Variants in C20orf96 observed in about 807,000 individuals in gnomAD.
C20orf96 encodes uncharacterized protein C20orf96.
In C20orf96, 57 loss-of-function variants were observed where a neutral mutation model predicts 52.6. The observed-to-expected ratio is 1.08, with a 90% CI of 0.88 to 1.35. C20orf96 has a LOEUF of 1.35. Ranked by LOEUF, C20orf96 falls within the 40% of genes most tolerant of loss-of-function variation. The pLI is 0.00. For synonymous variants in C20orf96, 168 were observed against 157.2 expected (o/e 1.07, Z -0.51); for missense variants, 478 against 443.6 (o/e 1.08, Z -0.70).
At chr20:276,910 G>T in intron 8 of C20orf96, 31 bp from the exon 9 acceptor site, 1 of 1,613,444 alleles carries the variant, frequency 6.2e-7, no homozygotes, top group Non-Finnish European at 8.5e-7. Flanking sequence ...TGGCCCCCAG[G>T]TGCCTCTTCC....
At chr20:274,496 T>G (rs78896118) in intron 10 of C20orf96, among the ~76,000 whole-genome samples, 1,586 of 152,282 alleles carry the variant, frequency 0.01, 27 homozygotes, top group African/African-American at 0.036. Flanking sequence ...GGTTCACTAT[T>G]CAGAGGCCAA....
At chr20:279,892 C>T (rs910637860) in intron 4 of C20orf96, among the ~76,000 whole-genome samples, 1 of 152,052 alleles carries the variant, frequency 6.6e-6, no homozygotes, top group African/African-American at 2.4e-5. Context: ...ATCGCTTGAA[C>T]CTGGGAGGCG....
chr20:275,626 C>G (rs1431874079), intron 10 of C20orf96, among the ~76,000 whole-genome samples: 2 of 152,170 alleles, frequency 1.3e-5, no homozygotes, highest in East Asian at 3.9e-4. Context: ...CTATTCTTCC[C>G]TGAAGCCAAC....
Position 271,165 on chromosome 20 carries a change from G to C in C20orf96, c.*42C>G, listed in dbSNP as rs1175931556. ...TAAATGATCCAAGGCTCCAGGTGCT[G>C]GGAAGAGAGCAGGAGGGGAGGGCGG... is the stretch of plus-strand genomic sequence containing the variant. On this transcript the variant is annotated 3_prime_UTR_variant, in exon 11 of 11. Coordinates refer to ENST00000360321, the MANE Select transcript of C20orf96 (RefSeq NM_153269.3). 3 of 1,499,428 alleles carry C rather than the reference G, an allele frequency of 2.0e-6. No individual in the cohort carries two copies. Among genetic ancestry groups the C allele is most frequent in the Non-Finnish European group, 2.7e-6 (3 of 1,099,678 alleles). The allele number at this position is 1,499,428 out of a possible 1,614,324, so 92.9% of individuals were successfully genotyped here.
At chr20:272,649 C>G (rs536539108) in intron 10 of C20orf96, among the ~76,000 whole-genome samples, 95 of 152,260 alleles carry the variant, frequency 6.2e-4, no homozygotes, top group African/African-American at 2.0e-3. Flanking sequence ...AGCCACCATG[C>G]CTGCCTCCAA....
chr20:276,821 A>G lies in C20orf96; in HGVS notation c.884T>C (p.Phe295Ser). ...TCTGAACCTTTGCATGCATTTCAGG[A>G]AGTCCTGGCTTTCCCACATCTTCTG... ...LLQKMWESQD[F>S]LKCMQRFREI... Residue 295 changes from phenylalanine (F) to serine (S), a missense_variant, in exon 9 of 11, where the codon TTC (phenylalanine) becomes TCC (serine). Coordinates refer to ENST00000360321, the MANE Select transcript of C20orf96 (RefSeq NM_153269.3). The G allele has an allele frequency of 1.2e-6, 2 of 1,613,644 alleles. No homozygotes were observed. Among genetic ancestry groups the G allele is most frequent in the Non-Finnish European group, 1.7e-6 (2 of 1,179,792 alleles).
In C20orf96 at chr20:290,605, C is replaced by A. The variant is rs1369709296; in HGVS notation, c.6G>T (p.Ala2=). 1 of 1,589,528 alleles carries A rather than the reference C, an allele frequency of 6.3e-7. No individual in the cohort carries two copies. Among genetic ancestry groups the A allele is most frequent in the East Asian group, 2.2e-5 (1 of 44,460 alleles). Residue 2 remains alanine, a synonymous_variant, in exon 1 of 11, where the codon GCG becomes GCT. Transcript: ENST00000360321. M[A]HVLQKPKHSG... ...TTTTTACCTACTTTTGTAAGACATG[C>A]GCCATTGGGGAAAATGGAAGAGAAG...
chr20:273,903 AAGGGAGGGAGGG>A (rs1171376663), intron 10 of C20orf96, among the ~76,000 whole-genome samples: 54 of 43,968 alleles, frequency 1.2e-3, no homozygotes, highest in South Asian at 7.1e-3. Flanking sequence ...GAAAGGAAGG[AAGGGAGGGAGGG>A]AGGGAGGGAG....
At chr20:280,446 T>G (rs1600188136) in intron 4 of C20orf96, among the ~76,000 whole-genome samples, 1 of 152,360 alleles carries the variant, frequency 6.6e-6, no homozygotes, top group East Asian at 1.9e-4. Flanking sequence ...CCAGGCCAGG[T>G]GCTGTGCCTT....
chr20:273,930 G>T (rs1389313409), intron 10 of C20orf96, among the ~76,000 whole-genome samples: 1 of 100,606 alleles, frequency 9.9e-6, no homozygotes, highest in Non-Finnish European at 2.0e-5. Flanking sequence ...AGGGAGGGAG[G>T]GAGGGAGGGG....
At chr20:286,544 AAGGAG>A (rs1392069312) in intron 3 of C20orf96, among the ~76,000 whole-genome samples, 4 of 149,630 alleles carry the variant, frequency 2.7e-5, no homozygotes, top group South Asian at 2.2e-4. Context: ...AAGGAAAGGA[AAGGAG>A]AGGAGAGGAG....
chr20:274,928 T>TC (rs1423360012), intron 10 of C20orf96, among the ~76,000 whole-genome samples: 3 of 152,098 alleles, frequency 2.0e-5, no homozygotes, highest in African/African-American at 7.2e-5. Context: ...CAAGCAATTC[T>TC]CTGCCTCAGC....
At chr20:287,287 A>C (rs1321097676) in intron 3 of C20orf96, among the ~76,000 whole-genome samples, 1 of 152,200 alleles carries the variant, frequency 6.6e-6, no homozygotes, top group Non-Finnish European at 1.5e-5. Context: ...TCCCACCAGC[A>C]ATTGCGCACA....
At chr20:276,515 C>T (rs760998027) in intron 9 of C20orf96, 82 of 985,380 alleles carry the variant, frequency 8.3e-5, no homozygotes, top group Middle Eastern at 5.2e-4. Flanking sequence ...TAAAGATGCA[C>T]GGTGGTTAAT....
Position 279,212 on chromosome 20 carries a change from A to C in C20orf96, c.425T>G (p.Leu142Arg). ...CTGCTGCAGCAGGGCCCGCACGTGCAGGGTCGTGCTGTTCTCCATCTCCTG... is the reference window on the plus strand; with the variant it reads ...CTGCTGCAGCAGGGCCCGCACGTGCCGGGTCGTGCTGTTCTCCATCTCCTG... Reference protein sequence around the residue: ...TIQEMENSTTLHVRALLQQQD... With the variant: ...TIQEMENSTTRHVRALLQQQD... The change falls in exon 5 of 11, where the codon CTG becomes CGG. Residue 142 changes from leucine to arginine, a missense_variant. Transcript: ENST00000360321. 1.2e-6 allele frequency: 2 copies of C among 1,608,432 alleles called. No individual in the cohort carries two copies. Among genetic ancestry groups the C allele is most frequent in the Non-Finnish European group, 1.7e-6 (2 of 1,178,570 alleles).
At chr20:290,489 C>T (rs2012513128) in intron 1 of C20orf96, 102 bp downstream of exon 1, 1 of 1,474,490 alleles carries the variant, frequency 6.8e-7, no homozygotes, top group East Asian at 2.6e-5. Context: ...GTCAGAAGAC[C>T]GAGGGCGACC....
chr20:277,305 A>G lies in C20orf96; in HGVS notation c.644T>C (p.Met215Thr), dbSNP rs562179308. Residue 215 changes from methionine to threonine, a missense_variant, in exon 7 of 11, where the codon ATG (methionine) becomes ACG (threonine). Coordinates refer to ENST00000360321, the MANE Select transcript of C20orf96 (RefSeq NM_153269.3). ...QEEVNFLSTY[M>T]DHEYSIKSVQ... is the part of the protein sequence containing the mutation. Reference sequence around the variant, plus strand: ...AGACTTGATGGAATACTCATGGTCCATGTAAGTGCTCAGGAAGTTCACTTC... The same window carrying G: ...AGACTTGATGGAATACTCATGGTCCGTGTAAGTGCTCAGGAAGTTCACTTC... 268 of 1,614,190 alleles carry G rather than the reference A, an allele frequency of 1.7e-4. 6 individuals are homozygous for G. The South Asian group carries it at 2.8e-3, about 17-fold the overall frequency.
At chr20:284,505 G>T (rs981380967) in intron 3 of C20orf96, among the ~76,000 whole-genome samples, 4 of 152,354 alleles carry the variant, frequency 2.6e-5, no homozygotes, top group Middle Eastern at 3.4e-3. Context: ...CTGGCAGAAG[G>T]CCTGATGGGG....
At position 290,691 on chromosome 20, in the gene C20orf96, T is replaced by G. The variant is rs1356637308; in HGVS notation, c.-81A>C. ...CTACTCGGCTTTTCCAACTTCCTTG[T>G]CTCAGTGTAGATCGCGCGGTAACCC... is the stretch of plus-strand genomic sequence containing the variant. On this transcript the variant is annotated 5_prime_UTR_variant, in exon 1 of 11. Coordinates refer to ENST00000360321, the MANE Select transcript of C20orf96 (RefSeq NM_153269.3). 1.1e-5 allele frequency: 17 copies of G among 1,574,762 alleles called. No individual in the cohort carries two copies. The highest frequency in any genetic ancestry group is 5.1e-5 in the Admixed American group (3 of 58,482).
Sources: gnomAD v4.1 joint callset for allele counts (sites outside exome capture counted in the v4.1 genomes callset) on GRCh38, gnomAD v4.1.1 for gene constraint, MANE v1.5 for transcripts, NCBI Gene and HGNC (gene_info 2026-07-23, HGNC 2026-07-21) for gene names.